Variants in ZFR observed in about 807,000 individuals in gnomAD.
ZFR encodes the protein zinc finger RNA-binding protein.
In ZFR, 19 loss-of-function variants were observed where a neutral mutation model predicts 130.7. That is an observed-to-expected ratio of 0.15 (90% CI 0.10 to 0.21). The LOEUF (loss-of-function observed/expected upper bound fraction) is 0.21. Among genes scored for constraint, ZFR ranks in the 10% least tolerant of loss-of-function variants. The pLI is 1.00. For synonymous variants in ZFR, 466 were observed against 456.9 expected (o/e 1.02, Z -0.25); for missense variants, 872 against 1,321.5 (o/e 0.66, Z 5.27).
At chr5:32,385,696 C>T (rs1753029767) in intron 14 of ZFR, 47 bp from the exon 15 acceptor site, 1 of 1,598,574 alleles carries the variant, frequency 6.3e-7, no homozygotes, top group Admixed American at 1.7e-5. Flanking sequence ...GTTGTATTAA[C>T]AAACAAAAGC....
intron 5 of ZFR, among the ~76,000 whole-genome samples, chr5:32,413,058 G>A (rs1348292051): frequency 6.6e-5 from 10 of 151,992 alleles, no homozygotes; most frequent in African/African-American, 9.7e-5. Context: ...GCGTGGTGGC[G>A]CACGCTTGTA....
chr5:32,436,140 CTTTT>C (rs370998112), intron 2 of ZFR, among the ~76,000 whole-genome samples: 8 of 91,800 alleles, frequency 8.7e-5, no homozygotes, highest in Non-Finnish European at 3.9e-5. Context: ...CAGTTGTATT[CTTTT>C]TTTTTTTTTT....
chr5:32,393,023 C>T (rs1454008079), intron 11 of ZFR, among the ~76,000 whole-genome samples: 8 of 152,092 alleles, frequency 5.3e-5, no homozygotes, highest in Non-Finnish European at 1.0e-4. Flanking sequence ...ATAATAAATA[C>T]TAAAGACACT....
chr5:32,381,928 C>G (rs771850165), intron 15 of ZFR, among the ~76,000 whole-genome samples: 5 of 152,030 alleles, frequency 3.3e-5, no homozygotes, highest in Non-Finnish European at 7.4e-5. Context: ...TAGAAATAAC[C>G]TGAACATAAG....
At chr5:32,422,075 G>A (rs1301465146) in intron 2 of ZFR, among the ~76,000 whole-genome samples, 1 of 151,864 alleles carries the variant, frequency 6.6e-6, no homozygotes, top group Non-Finnish European at 1.5e-5. Context: ...AGTAATTTTG[G>A]TTATATAAAA....
In ZFR at chr5:32,432,036, G is replaced by C. The variant is rs1332307927; in HGVS notation, c.138-11933C>G. Among the ~76,000 whole-genome samples, 17 of 150,678 alleles carry C rather than the reference G, an allele frequency of 1.1e-4. No individual in the cohort carries two copies. In the South Asian group the frequency reaches 3.4e-3, roughly 30 times the overall value. ...ACACAGGGTCTCACTTTGTCACCCA[G>C]GCTGGAGTGCAGTGGTATAAGCGTG... On this transcript the variant is annotated intron_variant, in intron 2 of 19. Coordinates refer to ENST00000265069, the MANE Select transcript of ZFR (RefSeq NM_016107.5).
chr5:32,416,736 T>A (rs1212330305), intron 4 of ZFR, among the ~76,000 whole-genome samples: 1 of 151,780 alleles, frequency 6.6e-6, no homozygotes, highest in Non-Finnish European at 1.5e-5. Flanking sequence ...CCTACTGAAA[T>A]TTGGGTCAAC....
intron 6 of ZFR, among the ~76,000 whole-genome samples, chr5:32,405,642 A>ATC (rs889615082): frequency 6.6e-6 from 1 of 152,196 alleles, no homozygotes; most frequent in Non-Finnish European, 1.5e-5. Context: ...CAGTCAACAT[A>ATC]GAGTAGGAAA....
intron 8 of ZFR, among the ~76,000 whole-genome samples, chr5:32,400,699 C>T (rs539797087): frequency 9.2e-5 from 14 of 152,186 alleles, no homozygotes; most frequent in Admixed American, 3.3e-4. Context: ...CTGGTCACTA[C>T]AAAAATTAGC....
At chr5:32,400,748 T>C (rs566938173) in intron 8 of ZFR, among the ~76,000 whole-genome samples, 1 of 152,052 alleles carries the variant, frequency 6.6e-6, no homozygotes, top group Non-Finnish European at 1.5e-5. Flanking sequence ...TAGCTACTTG[T>C]GGGGCTGAGG....
intron 2 of ZFR, among the ~76,000 whole-genome samples, chr5:32,424,413 C>T (rs540221877): frequency 6.6e-6 from 1 of 152,078 alleles, no homozygotes; most frequent in Non-Finnish European, 1.5e-5. Context: ...CACCTGTAGT[C>T]CCGGCTACTC....
chr5:32,413,221 A>C (rs111938467), intron 5 of ZFR, among the ~76,000 whole-genome samples: 3 of 138,874 alleles, frequency 2.2e-5, no homozygotes, highest in African/African-American at 5.7e-5. Context: ...CAAAACAAAA[A>C]ACAAAACAAA....
intron 3 of ZFR, among the ~76,000 whole-genome samples, chr5:32,419,014 T>C (rs191244604): frequency 1.3e-5 from 2 of 152,266 alleles, no homozygotes; most frequent in Admixed American, 6.5e-5. Flanking sequence ...AAAAAGAACA[T>C]CTTGACAGGA....
At chr5:32,391,148 C>A (rs773522378) in intron 11 of ZFR, among the ~76,000 whole-genome samples, 1 of 152,206 alleles carries the variant, frequency 6.6e-6, no homozygotes, top group Non-Finnish European at 1.5e-5. Flanking sequence ...TGAAATCTTG[C>A]GCTGTCCAGC....
intron 17 of ZFR, among the ~76,000 whole-genome samples, chr5:32,373,005 CA>C: frequency 6.6e-6 from 1 of 152,224 alleles, no homozygotes; most frequent in Middle Eastern, 3.4e-3. Flanking sequence ...CCAAAAATTG[CA>C]AATAGCAGAC....
At chr5:32,382,812 A>C (rs1464956128) in intron 15 of ZFR, among the ~76,000 whole-genome samples, 1 of 152,188 alleles carries the variant, frequency 6.6e-6, no homozygotes, top group South Asian at 2.1e-4. Context: ...TACAGCTATA[A>C]GTAGAAAATT....
chr5:32,389,601 G>T (rs1753117247), intron 12 of ZFR, among the ~76,000 whole-genome samples: 1 of 152,160 alleles, frequency 6.6e-6, no homozygotes, highest in African/African-American at 2.4e-5. Flanking sequence ...GGTGAGCTAT[G>T]ATCATGCCAC....
chr5:32,377,990 G>C (rs560775730), intron 17 of ZFR, among the ~76,000 whole-genome samples: 1 of 152,158 alleles, frequency 6.6e-6, no homozygotes, highest in Non-Finnish European at 1.5e-5. Flanking sequence ...TGTGCTTGGC[G>C]AATACCATAT....
intron 2 of ZFR, among the ~76,000 whole-genome samples, chr5:32,433,244 T>C (rs897038842): frequency 2.0e-5 from 3 of 152,202 alleles, no homozygotes. Context: ...ATTTTAGTCA[T>C]TTAACAAATA....
Sources: allele counts gnomAD v4.1 joint callset (sites outside exome capture counted in the v4.1 genomes callset), GRCh38; gene constraint gnomAD v4.1.1; transcripts MANE v1.5; gene names NCBI Gene and HGNC (gene_info 2026-07-23, HGNC 2026-07-21).